TMED6: variants seen among roughly 807,000 people sequenced by gnomAD.
The protein encoded by TMED6 is transmembrane p24 trafficking protein 6, also known as transmembrane emp24 domain-containing protein 6.
TMED6 carries 17 observed loss-of-function variants against 26.5 expected under a neutral mutation model. The ratio of observed to expected loss-of-function variants is 0.64; its 90% CI spans 0.44 to 0.96. The LOEUF is 0.96. TMED6 is among the 40% of genes least tolerant of loss of function. The pLI is 0.00. For missense variants in TMED6, 309 were observed against 296.5 expected (o/e 1.04, Z -0.31); for synonymous variants, 107 against 106.2 (o/e 1.01, Z -0.04).
At chr16:69,343,726 G>T in intron 3 of TMED6, 86 bp from the exon 4 acceptor site, 1 of 1,021,374 alleles carries the variant, frequency 9.8e-7, no homozygotes, top group Non-Finnish European at 1.5e-6. Context: ...CCTATCTCAA[G>T]TCAAATAATT....
chr16:69,349,721 T>A, intron 1 of TMED6, 70 bp from the exon 2 acceptor site: 2 of 1,571,602 alleles, frequency 1.3e-6, no homozygotes, highest in Non-Finnish European at 1.7e-6. Context: ...AGTGGTAAGA[T>A]TGACGTCCCA....
At chr16:69,350,366 C>A (rs562031327) in intron 1 of TMED6, among the ~76,000 whole-genome samples, 1 of 151,064 alleles carries the variant, frequency 6.6e-6, no homozygotes, top group South Asian at 2.1e-4. Context: ...GTGCAGTGAT[C>A]TTGGCTCACT....
rs757017185 is a variant in TMED6, at chr16:69,343,448, T to G, written c.682A>C (p.Asn228His). 1.2e-6 allele frequency: 2 copies of G among 1,614,086 alleles called. No individual in the cohort carries two copies. Among genetic ancestry groups the G allele is most frequent in the South Asian group, 1.1e-5 (1 of 91,088 alleles). Residue 228 changes from asparagine to histidine, a missense_variant, in exon 4 of 4, where the codon AAT becomes CAT. Coordinates refer to ENST00000288025, the MANE Select transcript of TMED6 (RefSeq NM_144676.4). ...TTTGTATCTGTAGTTGTTGGAACAT[T>G]GAAGAGACGCTTCAAGAAATACAGT... ...LQLYFLKRLF[N>H]VPTTTDTKKP...
At chr16:69,343,997 T>A (rs2012636759) in intron 3 of TMED6, among the ~76,000 whole-genome samples, 1 of 144,574 alleles carries the variant, frequency 6.9e-6, no homozygotes, top group Non-Finnish European at 1.5e-5. Context: ...CCCAGCTAAT[T>A]TTTTTTTTTT....
chr16:69,347,822 C>T lies in TMED6; in HGVS notation c.455G>A (p.Arg152Lys). Residue 152 changes from arginine (R) to lysine (K), a missense_variant, in exon 3 of 4, where the codon AGA (arginine) becomes AAA (lysine). Arg to Lys is a conservative substitution (Grantham distance 26). Transcript: ENST00000288025. ...ATCCAGAGTATCATTCAGTTGTTTT[C>T]TTTCCTTCTGTTTGTGATCAGTCTC... ...GPETDHKQKE[R>K]KQLNDTLDAI... The T allele has an allele frequency of 6.2e-7, 1 of 1,614,122 alleles. No homozygotes were observed. The highest frequency in any genetic ancestry group is 8.5e-7 in the Non-Finnish European group (1 of 1,180,020).
rs142118966 is a variant in TMED6 at position 69,350,647 on chromosome 16, A to G, written c.213+894T>C. ...ACTTGCTTGGTGGTTGAGCTCCCCA[A>G]TGATGTCCCAGATTTGGGCATTTGC... On this transcript the variant is annotated intron_variant, in intron 1 of 3. Transcript: ENST00000288025. 3.2e-4 allele frequency among the ~76,000 whole-genome samples: 49 copies of G among 152,154 alleles called. No individual in the cohort carries two copies. In the East Asian group the frequency reaches 6.6e-3, roughly 20 times the overall value.
At chr16:69,345,989 C>A (rs2012680459) in intron 3 of TMED6, among the ~76,000 whole-genome samples, 1 of 152,128 alleles carries the variant, frequency 6.6e-6, no homozygotes, top group African/African-American at 2.4e-5. Context: ...CTAAAATGGG[C>A]AAAGGACTCG....
At chr16:69,347,598 G>A (rs974722249) in intron 3 of TMED6, among the ~76,000 whole-genome samples, 190 bp downstream of exon 3, 2 of 152,160 alleles carry the variant, frequency 1.3e-5, no homozygotes, top group African/African-American at 4.8e-5. Context: ...GACCTCAGGT[G>A]ATCCACCCAC....
chr16:69,345,218 A>G (rs1182177069), intron 3 of TMED6, among the ~76,000 whole-genome samples: 1 of 152,114 alleles, frequency 6.6e-6, no homozygotes, highest in Admixed American at 6.5e-5. Context: ...CAAAGGTTGC[A>G]GTGAGCCAAG....
intron 1 of TMED6, 85 bp from the exon 2 acceptor site, chr16:69,349,736 C>T: frequency 6.5e-7 from 1 of 1,538,044 alleles, no homozygotes; most frequent in Non-Finnish European, 8.8e-7. Context: ...GTCCCACGGT[C>T]ATCAGCACAG....
rs369353203 is a variant in TMED6 at position 69,351,734 on chromosome 16, C to T, written c.20G>A (p.Gly7Glu). The T allele has an allele frequency of 6.2e-7, 1 of 1,613,202 alleles. No homozygotes were observed. The highest frequency in any genetic ancestry group is 8.5e-7 in the Non-Finnish European group (1 of 1,179,972). The change falls in exon 1 of 4, where the codon GGG (glycine) becomes GAG (glutamate). Residue 7 changes from glycine to glutamate, a missense_variant. Physicochemically the swap from Gly to Glu is moderately conservative, Grantham distance 98. Coordinates refer to ENST00000288025, the MANE Select transcript of TMED6 (RefSeq NM_144676.4). ...TAGATTCAGAACGACCAGCCCAGCC[C>T]CAAAGAGCAAAGGGGACATGCCGCT... MSPLLFGAGLVVLNLVT... is the reference protein window; with the variant it reads MSPLLFEAGLVVLNLVT...
chr16:69,345,614 C>A (rs1470194756), intron 3 of TMED6, among the ~76,000 whole-genome samples: 2 of 121,258 alleles, frequency 1.6e-5, no homozygotes, highest in Admixed American at 2.3e-4. Flanking sequence ...ACCCAGGAGG[C>A]AAAGGTTGCA....
At chr16:69,350,067 C>T (rs1356392593) in intron 1 of TMED6, among the ~76,000 whole-genome samples, 3 of 151,792 alleles carry the variant, frequency 2.0e-5, no homozygotes, top group Non-Finnish European at 4.4e-5. Context: ...GTCAGGAGTT[C>T]GAGACCAGCC....
chr16:69,345,326 T>C (rs1241185286), intron 3 of TMED6, among the ~76,000 whole-genome samples: 2 of 151,692 alleles, frequency 1.3e-5, no homozygotes, highest in Non-Finnish European at 2.9e-5. Flanking sequence ...GGAGAAAATA[T>C]CTGCAACTCA....
chr16:69,348,295 C>CT (rs1460786147), intron 2 of TMED6: 9 of 175,452 alleles, frequency 5.1e-5, no homozygotes, highest in South Asian at 1.5e-4. Flanking sequence ...ACAATTAAAG[C>CT]TAGGGACACC....
At chr16:69,345,074 G>C (rs1300446917) in intron 3 of TMED6, among the ~76,000 whole-genome samples, 5 of 151,770 alleles carry the variant, frequency 3.3e-5, no homozygotes, top group African/African-American at 1.2e-4. Context: ...AGGTGACAAA[G>C]CGAGACTCTG....
chr16:69,347,894 C>A lies in TMED6; in HGVS notation c.383G>T (p.Gly128Val). The change falls in exon 3 of 4, where the codon GGT (glycine) becomes GTT (valine). Residue 128 changes from glycine to valine, a missense_variant. By Grantham distance (109) the Gly-to-Val change is moderately radical (BLOSUM62 -3). Transcript: ENST00000288025. ...LCLSNQHNHF[G>V]SVQVYLNFGV... ...AAAGTTGAGGTACACTTGCACAGAA[C>A]CGAAGTGATTATGCTGATTACTTAG... 1.9e-6 allele frequency: 3 copies of A among 1,614,124 alleles called. No individual in the cohort carries two copies. Among genetic ancestry groups the A allele is most frequent in the Non-Finnish European group, 2.5e-6 (3 of 1,180,010 alleles).
In TMED6 at chr16:69,344,775, C is replaced by CAA. The variant is rs762254282; in HGVS notation, c.490-1137_490-1136dup. On this transcript the variant is annotated intron_variant, in intron 3 of 3. Coordinates refer to ENST00000288025, the MANE Select transcript of TMED6 (RefSeq NM_144676.4). ...CCGACAGCACAAGACTTTGTCTCAACAAAAAAAAAAGAAAAAAAGAAAGTG... is the reference window on the plus strand; with the variant it reads ...CCGACAGCACAAGACTTTGTCTCAACAAAAAAAAAAAAGAAAAAAAGAAAGTG... Among the ~76,000 whole-genome samples the CAA allele has an allele frequency of 4.2e-3, 515 of 123,138 alleles. 6 individuals are homozygous for CAA. Among genetic ancestry groups the CAA allele is most frequent in the African/African-American group, 0.013 (437 of 32,644 alleles). The allele number at this position is 123,138 out of a possible 152,430, so 80.8% of individuals were successfully genotyped here. A position where few individuals can be genotyped will look rare whatever the true frequency, so the allele number is the denominator to read the frequency against.
intron 1 of TMED6, among the ~76,000 whole-genome samples, chr16:69,350,628 T>C (rs1413303286): frequency 6.6e-6 from 1 of 152,128 alleles, no homozygotes; most frequent in African/African-American, 2.4e-5. Context: ...ATGAACTTGC[T>C]TGGTGGTTGA....
Sources: allele counts gnomAD v4.1 joint callset (sites outside exome capture counted in the v4.1 genomes callset), GRCh38; gene constraint gnomAD v4.1.1; transcripts MANE v1.5; gene names NCBI Gene and HGNC (gene_info 2026-07-23, HGNC 2026-07-21).